PEBP4: variants seen among roughly 807,000 people sequenced by gnomAD.
PEBP4 encodes the protein phosphatidylethanolamine-binding protein 4.
Under a neutral mutation model 23.9 loss-of-function variants are expected in PEBP4, and 22 were observed. The ratio of observed to expected loss-of-function variants is 0.92; its 90% CI spans 0.66 to 1.31. The LOEUF (loss-of-function observed/expected upper bound fraction) is 1.31. Among genes scored for constraint, PEBP4 ranks in the 40% most tolerant of loss-of-function variants. PEBP4 has a pLI of 0.00. For missense variants in PEBP4, 324 were observed against 281.7 expected (o/e 1.15, Z -1.07); for synonymous variants, 112 against 99.3 (o/e 1.13, Z -0.76).
At chr8:22,737,371 C>T (rs1804888060) in intron 4 of PEBP4, among the ~76,000 whole-genome samples, 1 of 151,852 alleles carries the variant, frequency 6.6e-6, no homozygotes, top group African/African-American at 2.4e-5. Flanking sequence ...TCCTTAGAGG[C>T]CAATAATTGA....
At chr8:22,861,434 GA>G (rs1807776894) in intron 3 of PEBP4, among the ~76,000 whole-genome samples, 1 of 152,180 alleles carries the variant, frequency 6.6e-6, no homozygotes, top group South Asian at 2.1e-4. Context: ...TTTCGCAAAT[GA>G]TACAACTGAG....
intron 4 of PEBP4, among the ~76,000 whole-genome samples, chr8:22,810,711 T>TGAGA (rs1318260158): frequency 7.5e-6 from 1 of 134,166 alleles, no homozygotes; most frequent in African/African-American, 3.0e-5. Context: ...TGTGTGTGTG[T>TGAGA]GTGAGAGAGA....
chr8:22,916,077 G>C (rs1181487930), intron 3 of PEBP4, among the ~76,000 whole-genome samples: 1 of 152,232 alleles, frequency 6.6e-6, no homozygotes, highest in African/African-American at 2.4e-5. Flanking sequence ...CCTGCTTTGT[G>C]AGGAGAAGAA....
chr8:22,807,166 C>T lies in PEBP4; in HGVS notation c.357+10471G>A, dbSNP rs570893547. Among the ~76,000 whole-genome samples, 3 of 152,282 alleles carry T rather than the reference C, an allele frequency of 2.0e-5. No individual in the cohort carries two copies. In the South Asian group the frequency reaches 6.2e-4, roughly 32 times the overall value. On this transcript the variant is annotated intron_variant, in intron 4 of 6. Coordinates refer to ENST00000256404, the MANE Select transcript of PEBP4 (RefSeq NM_144962.3). ...GACCTTGGAGGTGTAATTCATTTAG[C>T]AATCTCAACTCATTTAAAGCAATGG...
chr8:22,915,389 C>T (rs908209532), intron 3 of PEBP4, among the ~76,000 whole-genome samples: 1 of 151,622 alleles, frequency 6.6e-6, no homozygotes, highest in African/African-American at 2.4e-5. Context: ...CTACCCGCCC[C>T]GACCCCCGAC....
intron 3 of PEBP4, among the ~76,000 whole-genome samples, chr8:22,827,788 A>G (rs1359021803): frequency 6.6e-6 from 1 of 152,246 alleles, no homozygotes; most frequent in African/African-American, 2.4e-5. Flanking sequence ...ATTTATGTTT[A>G]ACATTTTAAG....
chr8:22,832,526 C>A (rs1186081437), intron 3 of PEBP4, among the ~76,000 whole-genome samples: 1 of 152,160 alleles, frequency 6.6e-6, no homozygotes, highest in Non-Finnish European at 1.5e-5. Context: ...TTTGTTATAG[C>A]AACCTGACCT....
At chr8:22,821,239 G>A (rs1806851083) in intron 3 of PEBP4, among the ~76,000 whole-genome samples, 1 of 152,042 alleles carries the variant, frequency 6.6e-6, no homozygotes, top group Non-Finnish European at 1.5e-5. Context: ...GACATGAAGA[G>A]GATAGAATAA....
At chr8:22,904,507 C>G (rs1048298237) in intron 3 of PEBP4, among the ~76,000 whole-genome samples, 6 of 152,190 alleles carry the variant, frequency 3.9e-5, no homozygotes, top group African/African-American at 7.2e-5. Context: ...GCGTTCACCC[C>G]CCGTCCCCCA....
chr8:22,854,716 AAT>A (rs1201442291), intron 3 of PEBP4, among the ~76,000 whole-genome samples: 4 of 152,278 alleles, frequency 2.6e-5, no homozygotes. Context: ...AATTACCATA[AAT>A]ATGTGTAAAG....
intron 3 of PEBP4, among the ~76,000 whole-genome samples, chr8:22,824,937 G>A (rs940375322): frequency 6.6e-6 from 1 of 152,202 alleles, no homozygotes; most frequent in African/African-American, 2.4e-5. Flanking sequence ...ACTGGGGGTT[G>A]GGGACTCCTG....
chr8:22,821,214 G>A (rs1045213491), intron 3 of PEBP4, among the ~76,000 whole-genome samples: 4 of 152,100 alleles, frequency 2.6e-5, no homozygotes, highest in Admixed American at 2.0e-4. Context: ...TGGGCTTTGG[G>A]AAGACACATG....
intron 2 of PEBP4, among the ~76,000 whole-genome samples, chr8:22,926,278 C>T (rs1809330930): frequency 6.6e-6 from 1 of 152,068 alleles, no homozygotes; most frequent in Admixed American, 6.6e-5. Flanking sequence ...GCCCAGCCTA[C>T]ACCCAGAACT....
At chr8:22,746,183 G>A (rs1805112431) in intron 4 of PEBP4, among the ~76,000 whole-genome samples, 3 of 152,088 alleles carry the variant, frequency 2.0e-5, no homozygotes, top group African/African-American at 7.2e-5. Flanking sequence ...AGGACCACAG[G>A]GTCCTCCCTG....
chr8:22,713,900 C>T (rs1804360571), intron 6 of PEBP4, among the ~76,000 whole-genome samples: 1 of 152,264 alleles, frequency 6.6e-6, no homozygotes, highest in African/African-American at 2.4e-5. Flanking sequence ...ACTTCCTCTA[C>T]TAATGCCCTC....
rs188546513 is a variant in PEBP4, at chr8:22,727,600, G to A, written c.358-380C>T. Among the ~76,000 whole-genome samples the A allele has an allele frequency of 1.9e-3, 283 of 152,228 alleles. 2 individuals carry two copies. The highest frequency in any genetic ancestry group is 6.4e-3 in the African/African-American group (267 of 41,552). ...TACACATCACCTGCAGGGTCTGGTC[G>A]GATCTAAGGGAGGCGCTTAGGTCTG... On this transcript the variant is annotated intron_variant, in intron 4 of 6. Transcript: ENST00000256404.
intron 3 of PEBP4, among the ~76,000 whole-genome samples, chr8:22,825,126 C>T (rs140407594): frequency 6.6e-6 from 1 of 152,346 alleles, no homozygotes; most frequent in African/African-American, 2.4e-5. Context: ...TCATAACAGT[C>T]ATTGCCAACA....
At chr8:22,734,592 G>C (rs1194218370) in intron 4 of PEBP4, among the ~76,000 whole-genome samples, 1 of 152,164 alleles carries the variant, frequency 6.6e-6, no homozygotes, top group Non-Finnish European at 1.5e-5. Context: ...CTGGTATCTT[G>C]GCACAGTCTG....
intron 4 of PEBP4, among the ~76,000 whole-genome samples, chr8:22,755,324 CTCTT>C (rs1805356137): frequency 1.4e-5 from 2 of 144,970 alleles, no homozygotes; most frequent in Non-Finnish European, 3.0e-5. Flanking sequence ...ATTTCTCTCC[CTCTT>C]TTTTTTTTTT....
Sources: allele counts gnomAD v4.1 joint callset (sites outside exome capture counted in the v4.1 genomes callset), GRCh38; gene constraint gnomAD v4.1.1; transcripts MANE v1.5; gene names NCBI Gene and HGNC (gene_info 2026-07-23, HGNC 2026-07-21).